CACNA1E: variants seen among roughly 807,000 people sequenced by gnomAD.
CACNA1E encodes the protein voltage-dependent R-type calcium channel subunit alpha-1E.
A neutral mutation model predicts 259.2 loss-of-function variants in CACNA1E; 40 were observed. That is an observed-to-expected ratio of 0.15 (90% CI 0.12 to 0.20). The LOEUF is 0.20. CACNA1E is among the 10% of genes least tolerant of loss of function. The pLI, the probability that CACNA1E is intolerant of heterozygous loss-of-function variation, is 1.00. For missense variants in CACNA1E, 1,874 were observed against 3,040.1 expected, an observed-to-expected ratio of 0.62 and a Z score of 9.02; for synonymous variants, 1,104 against 1,138.5, an observed-to-expected ratio of 0.97 and a Z score of 0.61.
intron 37 of CACNA1E, among the ~76,000 whole-genome samples, chr1:181,775,445 G>A (rs927512219): frequency 3.3e-5 from 5 of 152,078 alleles, no homozygotes; most frequent in African/African-American, 1.2e-4. Flanking sequence ...ATCCTCCCTT[G>A]GTTTCCCACC....
At chr1:181,521,491 A>G (rs191866214) in intron 3 of CACNA1E, among the ~76,000 whole-genome samples, 1 of 152,274 alleles carries the variant, frequency 6.6e-6, no homozygotes, top group Admixed American at 6.5e-5. Flanking sequence ...GCTCTGAACT[A>G]TGGTGTGGGG....
In CACNA1E at chr1:181,425,785, C is replaced by G. The variant is rs138725853; in HGVS notation, c.434+12205C>G. On this transcript the variant is annotated intron_variant, in intron 2 of 11. Coordinates refer to the CACNA1E transcript ENST00000524607. ...CATCTTTCTCTTCCTCTTTTTCTCT[C>G]GAAGCCTGTAGCAGGGAGGGAATGA... Among the ~76,000 whole-genome samples the G allele has an allele frequency of 3.3e-5, 5 of 152,058 alleles. No homozygotes were observed. In the East Asian group the frequency reaches 9.7e-4, roughly 29 times the overall value.
rs12566751 is a variant in CACNA1E, at chr1:181,448,676, T to G, written c.435-35068T>G. Among the ~76,000 whole-genome samples, 7 of 152,198 alleles carry G rather than the reference T, an allele frequency of 4.6e-5. No homozygotes were observed. The East Asian group carries it at 9.6e-4, about 21-fold the overall frequency. ...TTACCACAACCTGGGAAAAGAGAGA[T>G]AACTGATAAAGTGAAGAGACTTTGT... On this transcript the variant is annotated intron_variant, in intron 2 of 11. Coordinates refer to the CACNA1E transcript ENST00000524607.
chr1:181,448,320 A>G (rs1342332447), intron 2 of CACNA1E, among the ~76,000 whole-genome samples: 1 of 152,236 alleles, frequency 6.6e-6, no homozygotes, highest in Non-Finnish European at 1.5e-5. Flanking sequence ...ACATCTCAAC[A>G]ACCAGATGAG....
intron 1 of CACNA1E, among the ~76,000 whole-genome samples, chr1:181,328,308 G>A (rs1571573741): frequency 6.6e-6 from 1 of 152,084 alleles, no homozygotes; most frequent in Admixed American, 6.6e-5. Flanking sequence ...CATTCATGAG[G>A]TCTCCACCCT....
At chr1:181,712,535 T>C (rs73043455) in intron 8 of CACNA1E, among the ~76,000 whole-genome samples, 7,550 of 152,200 alleles carry the variant, frequency 0.05, 300 homozygotes, top group South Asian at 0.15. Flanking sequence ...TTTGGTGACC[T>C]CCAAGGGTTG....
intron 7 of CACNA1E, among the ~76,000 whole-genome samples, chr1:181,667,861 T>C (rs530357218): frequency 7.9e-5 from 12 of 152,214 alleles, no homozygotes; most frequent in African/African-American, 2.4e-4. Flanking sequence ...TTTTAACTTT[T>C]TTTTTGAAAT....
At chr1:181,435,181 C>T (rs906806985) in intron 2 of CACNA1E, among the ~76,000 whole-genome samples, 26 of 152,176 alleles carry the variant, frequency 1.7e-4, no homozygotes, top group Non-Finnish European at 3.1e-4. Flanking sequence ...CCCTAGAGAG[C>T]TAGTTGTTAA....
chr1:181,424,235 A>G (rs754357768), intron 2 of CACNA1E, among the ~76,000 whole-genome samples: 19 of 152,232 alleles, frequency 1.2e-4, no homozygotes, highest in Non-Finnish European at 1.8e-4. Context: ...GCAGAGCAGG[A>G]AGGTGCAGAG....
Position 181,551,231 on chromosome 1 carries a change from C to T in CACNA1E, c.513-26535C>T, listed in dbSNP as rs1450036633. 2.0e-5 allele frequency among the ~76,000 whole-genome samples: 3 copies of T among 152,170 alleles called. No homozygotes were observed. The East Asian group carries it at 5.8e-4, about 29-fold the overall frequency. ...ACAAGGTAAACTCTCCCTCTCTGGT[C>T]CTCCCACCTGCATCCCCTTAGGGCC... is the stretch of plus-strand genomic sequence containing the variant. On this transcript the variant is annotated intron_variant, in intron 3 of 47. Transcript: ENST00000367573.
chr1:181,456,961 C>T (rs892257666), intron 2 of CACNA1E, among the ~76,000 whole-genome samples: 1 of 152,220 alleles, frequency 6.6e-6, no homozygotes, highest in African/African-American at 2.4e-5. Context: ...TTTGAGATTT[C>T]AGATGTTGTT....
At chr1:181,595,081 T>C (rs1653026120) in intron 6 of CACNA1E, among the ~76,000 whole-genome samples, 1 of 152,216 alleles carries the variant, frequency 6.6e-6, no homozygotes, top group African/African-American at 2.4e-5. Flanking sequence ...TCTCTTTCCT[T>C]TGTGCTCAAA....
rs1291912759 is a variant in CACNA1E, at chr1:181,319,580, A to G, written c.-15+1457A>G. 3.9e-5 allele frequency among the ~76,000 whole-genome samples: 6 copies of G among 152,318 alleles called. No homozygotes were observed. The East Asian group carries it at 9.6e-4, about 24-fold the overall frequency. On this transcript the variant is annotated intron_variant, in intron 1 of 11. Transcript: ENST00000524607. ...TCTCTCACATGCTAAGTTTCTGACC[A>G]GCTAAGAAGTTTTTTACCACTTTGT...
At chr1:181,615,111 G>A (rs1015406336) in intron 6 of CACNA1E, among the ~76,000 whole-genome samples, 7 of 152,082 alleles carry the variant, frequency 4.6e-5, no homozygotes, top group Admixed American at 4.6e-4. Context: ...ATTCATGCAG[G>A]TAATATAGTC....
intron 1 of CACNA1E, among the ~76,000 whole-genome samples, chr1:181,378,177 G>T (rs1655228919): frequency 6.6e-6 from 1 of 152,192 alleles, no homozygotes; most frequent in South Asian, 2.1e-4. Flanking sequence ...TTTCTTATTT[G>T]TGATATAGGT....
intron 32 of CACNA1E, among the ~76,000 whole-genome samples, chr1:181,760,022 C>A (rs1026124719): frequency 6.6e-6 from 1 of 152,186 alleles, no homozygotes; most frequent in Non-Finnish European, 1.5e-5. Flanking sequence ...GTAAAAGAAA[C>A]TACTACCAAC....
chr1:181,628,392 G>A (rs1041740519), intron 6 of CACNA1E, among the ~76,000 whole-genome samples: 23 of 152,140 alleles, frequency 1.5e-4, no homozygotes, highest in Admixed American at 1.3e-3. Flanking sequence ...TCTCCCAGGA[G>A]CTCATTGCCA....
chr1:181,567,241 C>G (rs909060857), intron 3 of CACNA1E, among the ~76,000 whole-genome samples: 2 of 152,158 alleles, frequency 1.3e-5, no homozygotes, highest in Admixed American at 1.3e-4. Flanking sequence ...TTGTTAAATA[C>G]AGTACTCTTT....
chr1:181,430,231 T>G (rs1023218140), intron 2 of CACNA1E, among the ~76,000 whole-genome samples: 10 of 152,222 alleles, frequency 6.6e-5, no homozygotes, highest in Non-Finnish European at 1.5e-5. Context: ...TCACCCGGAG[T>G]TCTTCGTTTC....
Sources: allele counts gnomAD v4.1 joint callset (sites outside exome capture counted in the v4.1 genomes callset), GRCh38; gene constraint gnomAD v4.1.1; transcripts MANE v1.5; gene names NCBI Gene and HGNC (gene_info 2026-07-23, HGNC 2026-07-21).